CRB1: variants seen among roughly 807,000 people sequenced by gnomAD.
The protein encoded by CRB1 is crumbs cell polarity complex component 1.
In CRB1, 83 loss-of-function variants were observed where a neutral mutation model predicts 120.0. That is an observed-to-expected ratio of 0.69 (90% CI 0.58 to 0.83). The LOEUF is 0.83. Among genes scored for constraint, CRB1 ranks in the 40% least tolerant of loss-of-function variants. CRB1 has a pLI of 0.00. For synonymous variants in CRB1, 625 were observed against 612.5 expected, an observed-to-expected ratio of 1.02 and a Z score of -0.30; for missense variants, 1,699 against 1,687.6, an observed-to-expected ratio of 1.01 and a Z score of -0.12.
chr1:197,455,290 A>G (rs1008860589), intron 11 of CRB1, among the ~76,000 whole-genome samples: 4 of 152,172 alleles, frequency 2.6e-5, no homozygotes, highest in Non-Finnish European at 4.4e-5. Context: ...ACTGACAAAA[A>G]TAACTCAAAC....
intron 5 of CRB1, among the ~76,000 whole-genome samples, chr1:197,385,715 C>T (rs1662179340): frequency 6.6e-6 from 1 of 152,004 alleles, no homozygotes; most frequent in South Asian, 2.1e-4. Flanking sequence ...GAGGAGACTA[C>T]TCAGAGGCAT....
chr1:197,404,373 C>T (rs972276717), intron 5 of CRB1, among the ~76,000 whole-genome samples: 11 of 135,208 alleles, frequency 8.1e-5, no homozygotes, highest in Non-Finnish European at 1.2e-4. Context: ...ACCCGGGAGG[C>T]GGAGCTTGCA....
intron 5 of CRB1, among the ~76,000 whole-genome samples, chr1:197,364,552 T>A (rs1247804182): frequency 6.6e-6 from 1 of 152,270 alleles, no homozygotes; most frequent in East Asian, 1.9e-4. Context: ...TTCCAGAGGT[T>A]TCTGAGGCTC....
chr1:197,287,297 T>C (rs1321485744), intron 1 of CRB1, among the ~76,000 whole-genome samples: 1 of 151,864 alleles, frequency 6.6e-6, no homozygotes, highest in Non-Finnish European at 1.5e-5. Context: ...CAGGCTAATA[T>C]ATTGCTCCTG....
At chr1:197,208,067 T>C in the CRB1 span, among the ~76,000 whole-genome samples, 2 of 152,100 alleles carry the variant, frequency 1.3e-5, no homozygotes, top group African/African-American at 4.8e-5. Context: ...TTTCCAGAAG[T>C]TGTGATTTTT....
At chr1:197,371,658 C>T (rs1200210282) in intron 5 of CRB1, among the ~76,000 whole-genome samples, 1 of 152,072 alleles carries the variant, frequency 6.6e-6, no homozygotes, top group African/African-American at 2.4e-5. Flanking sequence ...AATGCACAAC[C>T]AGCAGCATGA....
intron 7 of CRB1, chr1:197,428,841 A>C: frequency 1.2e-6 from 1 of 852,242 alleles, no homozygotes; most frequent in Non-Finnish European, 1.7e-6. Context: ...AGCCTAAATC[A>C]TATGTTAATA....
At chr1:197,404,902 T>C (rs1437618360) in intron 5 of CRB1, among the ~76,000 whole-genome samples, 3 of 152,242 alleles carry the variant, frequency 2.0e-5, no homozygotes, top group African/African-American at 7.2e-5. Context: ...TTTCATAAGC[T>C]GTCAAAGTTT....
At chr1:197,462,883 C>T (rs2125550573) in intron 11 of CRB1, among the ~76,000 whole-genome samples, 1 of 54,268 alleles carries the variant, frequency 1.8e-5, no homozygotes, top group East Asian at 6.0e-4. Context: ...ATAGCCAATG[C>T]AGATCTTTTT....
intron 1 of CRB1, among the ~76,000 whole-genome samples, chr1:197,274,678 T>C (rs571545055): frequency 6.4e-4 from 97 of 152,330 alleles, no homozygotes; most frequent in Middle Eastern, 6.8e-3. Flanking sequence ...ATTGGAATCA[T>C]ACAATATGTA....
chr1:197,207,279 CT>C, the CRB1 span, among the ~76,000 whole-genome samples: 13 of 143,362 alleles, frequency 9.1e-5, no homozygotes, highest in South Asian at 2.2e-4. Flanking sequence ...AATACCTTGC[CT>C]TTTTTTTTTC....
intron 1 of CRB1, among the ~76,000 whole-genome samples, chr1:197,288,662 G>A (rs1364060594): frequency 1.3e-5 from 2 of 151,866 alleles, no homozygotes; most frequent in Non-Finnish European, 2.9e-5. Flanking sequence ...CAAACTTATA[G>A]AGAAAGAATC....
intron 1 of CRB1, among the ~76,000 whole-genome samples, chr1:197,309,311 GACAC>G (rs139719097): frequency 1.3e-5 from 2 of 150,730 alleles, no homozygotes; most frequent in Admixed American, 6.6e-5. Context: ...CGTCTTTGCT[GACAC>G]ACACACACAC....
intron 1 of CRB1, among the ~76,000 whole-genome samples, chr1:197,309,657 G>A (rs1409074398): frequency 1.3e-5 from 2 of 152,130 alleles, no homozygotes; most frequent in Admixed American, 6.6e-5. Context: ...GGGAGGCTGA[G>A]GCAGGAGAAT....
At chr1:197,462,092 A>G (rs148715157) in intron 11 of CRB1, among the ~76,000 whole-genome samples, 98 of 152,280 alleles carry the variant, frequency 6.4e-4, no homozygotes, top group African/African-American at 2.2e-3. Flanking sequence ...AAATAGTTTG[A>G]CTTTTCCACA....
intron 1 of CRB1, among the ~76,000 whole-genome samples, chr1:197,309,868 A>G (rs1657412866): frequency 6.6e-6 from 1 of 152,146 alleles, no homozygotes. Flanking sequence ...TTATGAGCAT[A>G]TTTGCATTCA....
Position 197,435,125 on chromosome 1 carries a change from G to A in CRB1, c.3262G>A (p.Asp1088Asn). The change falls in exon 9 of 12, where the codon GAC (aspartate) becomes AAC (asparagine). Residue 1088 changes from aspartate to asparagine, a missense_variant. By Grantham distance (23) the Asp-to-Asn change is conservative. Coordinates refer to ENST00000367400, the MANE Select transcript of CRB1 (RefSeq NM_201253.3). Reference protein sequence around the residue: ...TDIYVGDRAIDNIKGLQGCLS... With the variant: ...TDIYVGDRAINNIKGLQGCLS... ...TATTTATGTGGGAGACAGAGCTATT[G>A]ACAATATAAAGGGCCTGCAAGGGTG... 6.2e-7 allele frequency: 1 copy of A among 1,613,908 alleles called. No homozygotes were observed. The highest frequency in any genetic ancestry group is 8.5e-7 in the Non-Finnish European group (1 of 1,179,896).
At chr1:197,342,865 G>A (rs373930813) in intron 2 of CRB1, among the ~76,000 whole-genome samples, 1 of 152,082 alleles carries the variant, frequency 6.6e-6, no homozygotes, top group Non-Finnish European at 1.5e-5. Context: ...GTCCTGGATG[G>A]TCTGTCAAAA....
chr1:197,345,905 A>G (rs1659744831), intron 3 of CRB1, among the ~76,000 whole-genome samples: 1 of 152,152 alleles, frequency 6.6e-6, no homozygotes, highest in African/African-American at 2.4e-5. Context: ...TTGTACCCCA[A>G]TAATGCTCTA....
Sources: allele counts gnomAD v4.1 joint callset (sites outside exome capture counted in the v4.1 genomes callset), GRCh38; gene constraint gnomAD v4.1.1; transcripts MANE v1.5; gene names NCBI Gene and HGNC (gene_info 2026-07-23, HGNC 2026-07-21).